The following RAPGEF2 variants were observed in gnomAD, a reference collection of about 807,000 sequenced individuals.
RAPGEF2 encodes the protein PDZ domain containing guanine nucleotide exchange factor (GEF) 1.
In RAPGEF2, 54 loss-of-function variants were observed where a neutral mutation model predicts 186.7. The ratio of observed to expected loss-of-function variants is 0.29; its 90% CI spans 0.23 to 0.36. RAPGEF2 has a LOEUF of 0.36. Among genes scored for constraint, RAPGEF2 ranks in the 10% least tolerant of loss-of-function variants. RAPGEF2 has a pLI of 1.00. For missense variants in RAPGEF2, 1,532 were observed against 2,045.0 expected, an observed-to-expected ratio of 0.75 and a Z score of 4.84; for synonymous variants, 712 against 705.9, an observed-to-expected ratio of 1.01 and a Z score of -0.14.
At chr4:159,206,400 G>A (rs1391748789) in intron 3 of RAPGEF2, among the ~76,000 whole-genome samples, 1 of 152,176 alleles carries the variant, frequency 6.6e-6, no homozygotes, top group Non-Finnish European at 1.5e-5. Flanking sequence ...GGCACCGTCT[G>A]TACTATTATT....
chr4:159,339,479 G>A, intron 19 of RAPGEF2, 125 bp downstream of exon 19: 2 of 1,258,524 alleles, frequency 1.6e-6, no homozygotes, highest in Non-Finnish European at 1.1e-6. Flanking sequence ...AAAAAGTATT[G>A]TTGTTGTTTT....
At chr4:159,322,737 C>T (rs549915177) in intron 10 of RAPGEF2, among the ~76,000 whole-genome samples, 36 of 152,234 alleles carry the variant, frequency 2.4e-4, no homozygotes, top group Admixed American at 5.2e-4. Context: ...GGGGAGGCCT[C>T]AGAATCATGG....
intron 11 of RAPGEF2, chr4:159,328,750 A>G (rs1766274147): frequency 6.6e-6 from 1 of 152,180 alleles, no homozygotes; most frequent in Non-Finnish European, 1.5e-5. Context: ...TACAGTGGGG[A>G]TAATAGCACC....
At position 159,118,582 on chromosome 4, in the gene RAPGEF2, GTATTAT is replaced by G. The variant is rs575604487; in HGVS notation, c.69+14359_69+14364del. Among the ~76,000 whole-genome samples, 25 of 148,172 alleles carry G rather than the reference GTATTAT, an allele frequency of 1.7e-4. No homozygotes were observed. In the East Asian group the frequency reaches 4.9e-3, roughly 29 times the overall value. On this transcript the variant is annotated intron_variant, in intron 1 of 29. Coordinates refer to ENST00000691494, the MANE Select transcript of RAPGEF2 (RefSeq NM_001394067.2). Reference sequence around the variant, plus strand: ...GACCTCTGCATTAATGTATATTAAAGTATTATTATTATTTTTTTTTGAGACAAAGTT... The same window carrying G: ...GACCTCTGCATTAATGTATATTAAAGTATTATTTTTTTTTGAGACAAAGTT...
At chr4:159,263,669 C>T (rs1757125576) in intron 7 of RAPGEF2, among the ~76,000 whole-genome samples, 1 of 152,032 alleles carries the variant, frequency 6.6e-6, no homozygotes, top group Non-Finnish European at 1.5e-5. Context: ...TCTCTTGATT[C>T]CCTTGCGTTT....
At chr4:159,352,994 T>A in intron 27 of RAPGEF2, 84 bp downstream of exon 27, 1 of 1,260,640 alleles carries the variant, frequency 7.9e-7, no homozygotes. Context: ...GTGTTTGTTT[T>A]TATTTATTTT....
At chr4:159,278,634 G>A (rs542178872) in intron 7 of RAPGEF2, among the ~76,000 whole-genome samples, 1 of 152,284 alleles carries the variant, frequency 6.6e-6, no homozygotes, top group African/African-American at 2.4e-5. Flanking sequence ...AGAAAGTTAC[G>A]TAAAGAGAAG....
chr4:159,251,064 G>A (rs1472468722), intron 7 of RAPGEF2, among the ~76,000 whole-genome samples: 2 of 152,226 alleles, frequency 1.3e-5, no homozygotes, highest in East Asian at 1.9e-4. Context: ...CTTAGCACCT[G>A]GGTGAGCAGC....
intron 3 of RAPGEF2, among the ~76,000 whole-genome samples, chr4:159,194,390 A>G (rs1456694059): frequency 6.6e-6 from 1 of 152,152 alleles, no homozygotes; most frequent in Non-Finnish European, 1.5e-5. Flanking sequence ...TCCCTCCTAA[A>G]TAACATGTTA....
At chr4:159,293,449 A>G (rs1001799231) in intron 7 of RAPGEF2, among the ~76,000 whole-genome samples, 1 of 152,208 alleles carries the variant, frequency 6.6e-6, no homozygotes, top group African/African-American at 2.4e-5. Context: ...CTGGTTTTCA[A>G]TAAATGTCGT....
chr4:159,130,371 A>C (rs1295437550), intron 1 of RAPGEF2, among the ~76,000 whole-genome samples: 1 of 152,144 alleles, frequency 6.6e-6, no homozygotes, highest in Non-Finnish European at 1.5e-5. Flanking sequence ...GCTCTGGTTC[A>C]AATGCCTCTG....
intron 1 of RAPGEF2, among the ~76,000 whole-genome samples, chr4:159,177,993 T>C (rs1304780370): frequency 6.6e-6 from 1 of 152,216 alleles, no homozygotes; most frequent in Non-Finnish European, 1.5e-5. Context: ...TTCCTCCTTA[T>C]GTTTAAGTCC....
chr4:159,136,733 A>G (rs1741766851), intron 1 of RAPGEF2, among the ~76,000 whole-genome samples: 3 of 152,348 alleles, frequency 2.0e-5, no homozygotes, highest in African/African-American at 4.8e-5. Context: ...TACTCTAATA[A>G]TAGTTTCTGG....
chr4:159,169,776 A>G (rs1745709510), intron 1 of RAPGEF2, among the ~76,000 whole-genome samples: 1 of 152,172 alleles, frequency 6.6e-6, no homozygotes, highest in African/African-American at 2.4e-5. Context: ...TAAGGCTAAT[A>G]TTCTGTTATA....
rs897967417 is a variant in RAPGEF2 at position 159,208,561 on chromosome 4, C to T, written c.198-1939C>T. On this transcript the variant is annotated intron_variant, in intron 3 of 29. Coordinates refer to ENST00000691494, the MANE Select transcript of RAPGEF2 (RefSeq NM_001394067.2). ...TGAACCATAAAATAGAGTGTGGCTT[C>T]CCAATATCGTGGAAACATCTTACCA... is the stretch of plus-strand genomic sequence containing the variant. Among the ~76,000 whole-genome samples the T allele has an allele frequency of 2.6e-5, 4 of 152,212 alleles. No homozygotes were observed. In the South Asian group the frequency reaches 8.3e-4, roughly 32 times the overall value.
chr4:159,187,314 T>C (rs1017323901), intron 2 of RAPGEF2, among the ~76,000 whole-genome samples: 5 of 152,062 alleles, frequency 3.3e-5, no homozygotes, highest in Admixed American at 2.6e-4. Context: ...CCCTTTTTTT[T>C]CTCTGTCTCT....
chr4:159,166,323 AT>A (rs1374072365), intron 1 of RAPGEF2, among the ~76,000 whole-genome samples: 1 of 152,184 alleles, frequency 6.6e-6, no homozygotes, highest in African/African-American at 2.4e-5. Context: ...CAAAAAAAAA[AT>A]GTAAGGAAAA....
chr4:159,171,663 T>C (rs1214646167), intron 1 of RAPGEF2, among the ~76,000 whole-genome samples: 1 of 148,318 alleles, frequency 6.7e-6, no homozygotes, highest in Non-Finnish European at 1.5e-5. Flanking sequence ...ATATCTTTCA[T>C]GTAAAAGGAG....
Position 159,350,176 on chromosome 4 carries a change from T to C in RAPGEF2, c.3752T>C (p.Leu1251Ser). Residue 1251 changes from leucine to serine, a missense_variant, in exon 26 of 30, where the codon TTG (leucine) becomes TCG (serine). Physicochemically the swap from Leu to Ser is moderately radical, Grantham distance 145. Transcript: ENST00000691494. Reference protein sequence around the residue: ...SPQALKKILSLSEEGSLERHK... With the variant: ...SPQALKKILSSSEEGSLERHK... ...CAAGCTTTAAAAAAAATTCTTTCTT[T>C]GTCTGAAGAAGGAAGTTTGGAACGT... 1 of 1,578,870 alleles carries C rather than the reference T, an allele frequency of 6.3e-7. No homozygotes were observed. The highest frequency in any genetic ancestry group is 8.6e-7 in the Non-Finnish European group (1 of 1,162,470).
Sources: gnomAD v4.1 joint callset for allele counts (sites outside exome capture counted in the v4.1 genomes callset) on GRCh38, gnomAD v4.1.1 for gene constraint, MANE v1.5 for transcripts, NCBI Gene and HGNC (gene_info 2026-07-23, HGNC 2026-07-21) for gene names.